The following DACH2 variants were observed in gnomAD, a reference collection of about 807,000 sequenced individuals.
The protein encoded by DACH2 is dachshund homolog 2.
A neutral mutation model predicts 35.8 loss-of-function variants in DACH2; 17 were observed. The observed-to-expected ratio is 0.48, with a 90% CI of 0.33 to 0.71. The LOEUF (loss-of-function observed/expected upper bound fraction) is 0.71. Among genes scored for constraint, DACH2 ranks in the 30% least tolerant of loss-of-function variants. DACH2 has a pLI of 0.02. For missense variants in DACH2, 469 were observed against 472.7 expected, an observed-to-expected ratio of 0.99 and a Z score of 0.07; for synonymous variants, 195 against 177.3, an observed-to-expected ratio of 1.10 and a Z score of -0.79.
chrX:86,722,870 A>T (rs1172793138), intron 6 of DACH2, among the ~76,000 whole-genome samples: 2 of 111,186 alleles, frequency 1.8e-5, no homozygotes, highest in East Asian at 5.7e-4. Context: ...TTATTTAGGG[A>T]TAATTTCCTC....
intron 1 of DACH2, among the ~76,000 whole-genome samples, chrX:86,261,871 A>G (rs1466602262): frequency 2.7e-5 from 3 of 111,332 alleles, no homozygotes; most frequent in African/African-American, 9.8e-5. Flanking sequence ...ATGGAGGGAA[A>G]TTGAAGTAGG....
At chrX:86,400,832 C>A (rs763449123) in intron 2 of DACH2, among the ~76,000 whole-genome samples, 2 of 112,265 alleles carry the variant, frequency 1.8e-5, no homozygotes, top group Non-Finnish European at 3.8e-5. Context: ...GGTCAGGGAC[C>A]CACTTGAGGA....
At chrX:86,177,968 C>T (rs149132123) in intron 1 of DACH2, among the ~76,000 whole-genome samples, 1,202 of 111,014 alleles carry the variant, frequency 0.011, 9 homozygotes, top group African/African-American at 0.037. Context: ...CTCTACTATA[C>T]AAAAGCAAAG....
chrX:86,276,815 C>T (rs1392099763), intron 1 of DACH2, among the ~76,000 whole-genome samples: 1 of 111,682 alleles, frequency 9.0e-6, no homozygotes. Context: ...TTGTTGGTAC[C>T]TTTATCAAAG....
chrX:86,405,273 G>T (rs977600173), intron 2 of DACH2, among the ~76,000 whole-genome samples: 4 of 111,724 alleles, frequency 3.6e-5, no homozygotes, highest in African/African-American at 1.3e-4. Flanking sequence ...ACATCATCAG[G>T]CTGCAAATTT....
chrX:86,649,079 C>T (rs921705833), intron 3 of DACH2, among the ~76,000 whole-genome samples: 3 of 110,683 alleles, frequency 2.7e-5, no homozygotes, highest in African/African-American at 9.8e-5. Flanking sequence ...ATCTGAGACT[C>T]AGTTTCCTCA....
intron 7 of DACH2, among the ~76,000 whole-genome samples, chrX:86,743,438 T>C (rs1482287090): frequency 9.0e-6 from 1 of 111,566 alleles, no homozygotes; most frequent in Admixed American, 9.6e-5. Context: ...GGGTTATGCA[T>C]TGTTGCTGTC....
intron 2 of DACH2, among the ~76,000 whole-genome samples, chrX:86,454,740 T>C (rs751838223): frequency 2.7e-5 from 3 of 111,904 alleles, no homozygotes; most frequent in Non-Finnish European, 5.6e-5. Flanking sequence ...CGGTGAAGTT[T>C]GTTATTATCC....
chrX:86,410,864 C>G (rs992741528), intron 2 of DACH2, among the ~76,000 whole-genome samples: 1 of 106,208 alleles, frequency 9.4e-6, no homozygotes, highest in South Asian at 4.3e-4. Context: ...CCATAGTGTC[C>G]TTGTGTTTTG....
At chrX:86,222,395 C>T (rs1382009268) in intron 1 of DACH2, among the ~76,000 whole-genome samples, 5 of 111,850 alleles carry the variant, frequency 4.5e-5, no homozygotes, top group Non-Finnish European at 5.6e-5. Context: ...AATACAGAAT[C>T]GGCAAGATCT....
intron 3 of DACH2, among the ~76,000 whole-genome samples, chrX:86,567,389 A>C (rs1179958080): frequency 1.8e-5 from 2 of 111,181 alleles, no homozygotes; most frequent in African/African-American, 6.5e-5. Context: ...CTAGGTGGTT[A>C]TGTTGGAGCA....
intron 2 of DACH2, among the ~76,000 whole-genome samples, chrX:86,458,220 A>G (rs2037508749): frequency 9.0e-6 from 1 of 111,634 alleles, no homozygotes; most frequent in African/African-American, 3.3e-5. Context: ...ACTCTTTTGC[A>G]TCATATTTTT....
intron 1 of DACH2, among the ~76,000 whole-genome samples, chrX:86,289,901 T>G (rs1156858728): frequency 9.2e-6 from 1 of 108,849 alleles, no homozygotes. Flanking sequence ...TGTGTCTTTA[T>G]AGCAGCATGA....
Position 86,211,513 on chromosome X carries a change from C to G in DACH2, c.488+62405C>G, listed in dbSNP as rs370880098. Among the ~76,000 whole-genome samples, 44 of 111,025 alleles carry G rather than the reference C, an allele frequency of 4.0e-4. No individual in the cohort carries two copies. The South Asian group carries it at 0.016, about 41-fold the overall frequency. On this transcript the variant is annotated intron_variant, in intron 1 of 11. Coordinates refer to ENST00000373125, the MANE Select transcript of DACH2 (RefSeq NM_053281.3). ...GGGAGTCAGAAGGGAGATTATGACT[C>G]TGGTATAGTTCTGTTGGTGACCAGC...
At chrX:86,319,259 A>C (rs2034972424) in intron 1 of DACH2, among the ~76,000 whole-genome samples, 1 of 112,541 alleles carries the variant, frequency 8.9e-6, no homozygotes, top group African/African-American at 3.2e-5. Context: ...CAATTTGCTT[A>C]AACCTTCCAC....
intron 2 of DACH2, among the ~76,000 whole-genome samples, chrX:86,447,885 G>C (rs1390996951): frequency 1.9e-4 from 1 of 5,366 alleles, no homozygotes; most frequent in Non-Finnish European, 2.4e-4. Context: ...ATGACCTTGG[G>C]CAGTATGGCC....
rs1420970924 is a variant in DACH2, at chrX:86,562,493, C to G, written c.640+48102C>G. Reference sequence around the variant, plus strand: ...ATTTTAACCAGACAGTATATCTAATCATAACAATCTTTCCAAAACCTCTTA... The same window carrying G: ...ATTTTAACCAGACAGTATATCTAATGATAACAATCTTTCCAAAACCTCTTA... On this transcript the variant is annotated intron_variant, in intron 3 of 11. Coordinates refer to ENST00000373125, the MANE Select transcript of DACH2 (RefSeq NM_053281.3). Among the ~76,000 whole-genome samples the G allele has an allele frequency of 6.3e-5, 7 of 111,166 alleles. No individual in the cohort carries two copies. In the Admixed American group the frequency reaches 6.8e-4, roughly 11 times the overall value.
intron 3 of DACH2, among the ~76,000 whole-genome samples, chrX:86,526,534 T>TC (rs202069188): frequency 0.066 from 7,323 of 111,270 alleles, 632 homozygotes; most frequent in African/African-American, 0.23. Context: ...ATGTTCAATG[T>TC]AGGAAAAATT....
At position 86,611,255 on chromosome X, in the gene DACH2, G is replaced by T. The variant is rs2039940852; in HGVS notation, c.641-39781G>T. ...TGGTTGCCTCACAACCCTAACCTGT[G>T]TTCTGTTCTACAGTGGCTGAGCATG... On this transcript the variant is annotated intron_variant, in intron 3 of 11. Coordinates refer to ENST00000373125, the MANE Select transcript of DACH2 (RefSeq NM_053281.3). 2.7e-5 allele frequency among the ~76,000 whole-genome samples: 3 copies of T among 110,744 alleles called. No homozygotes were observed. In the Admixed American group the frequency reaches 2.9e-4, roughly 11 times the overall value.
Sources: allele counts gnomAD v4.1 joint callset (sites outside exome capture counted in the v4.1 genomes callset), GRCh38; gene constraint gnomAD v4.1.1; transcripts MANE v1.5; gene names NCBI Gene and HGNC (gene_info 2026-07-23, HGNC 2026-07-21).